Variants in FER observed in about 807,000 individuals in gnomAD.
FER encodes the protein tyrosine-protein kinase Fer.
FER carries 63 observed loss-of-function variants against 111.0 expected under a neutral mutation model. The ratio of observed to expected loss-of-function variants is 0.57; its 90% CI spans 0.46 to 0.70. FER has a LOEUF of 0.70. Among genes scored for constraint, FER ranks in the 30% least tolerant of loss-of-function variants. The pLI, the probability that FER is intolerant of heterozygous loss-of-function variation, is 0.00. For synonymous variants in FER, 327 were observed against 313.9 expected (o/e 1.04, Z -0.44); for missense variants, 914 against 954.0 (o/e 0.96, Z 0.55).
At chr5:108,778,854 T>C (rs983319265) in intron 2 of FER, among the ~76,000 whole-genome samples, 1 of 152,184 alleles carries the variant, frequency 6.6e-6, no homozygotes, top group African/African-American at 2.4e-5. Context: ...GGATTGTGCC[T>C]TTGGTGTTAA....
intron 5 of FER, among the ~76,000 whole-genome samples, chr5:108,850,036 CA>C (rs1029249324): frequency 6.7e-6 from 1 of 149,904 alleles, no homozygotes; most frequent in Non-Finnish European, 1.5e-5. Flanking sequence ...CTAAAAAATG[CA>C]AAAAAAAATT....
At chr5:109,085,190 AT>A (rs936231454) in intron 16 of FER, among the ~76,000 whole-genome samples, 26 of 151,874 alleles carry the variant, frequency 1.7e-4, no homozygotes, top group African/African-American at 5.8e-4. Flanking sequence ...AAGCCTTCCA[AT>A]TTATGGACTT....
chr5:109,083,197 A>T (rs1003157678), intron 16 of FER, among the ~76,000 whole-genome samples: 18 of 152,084 alleles, frequency 1.2e-4, no homozygotes, highest in African/African-American at 3.9e-4. Flanking sequence ...CTCTTCATTT[A>T]TTGAAAGCGG....
intron 1 of FER, among the ~76,000 whole-genome samples, chr5:108,757,131 A>G (rs1488569491): frequency 6.6e-6 from 1 of 152,206 alleles, no homozygotes; most frequent in Non-Finnish European, 1.5e-5. Flanking sequence ...GTAAATGGTA[A>G]AAGTCTGTAG....
At chr5:108,780,325 T>C (rs955951603) in intron 2 of FER, among the ~76,000 whole-genome samples, 29 of 152,220 alleles carry the variant, frequency 1.9e-4, no homozygotes, top group Middle Eastern at 3.4e-3. Flanking sequence ...TGAGAAACTA[T>C]TTCTCTTTCA....
At chr5:108,890,420 G>T (rs1747847651) in intron 9 of FER, among the ~76,000 whole-genome samples, 1 of 151,988 alleles carries the variant, frequency 6.6e-6, no homozygotes, top group South Asian at 2.1e-4. Flanking sequence ...GGCAGTGTTG[G>T]TTCCTTCTGA....
intron 3 of FER, among the ~76,000 whole-genome samples, chr5:108,825,769 G>C (rs1759398854): frequency 6.6e-6 from 1 of 152,108 alleles, no homozygotes; most frequent in Non-Finnish European, 1.5e-5. Flanking sequence ...ATTAATTTGG[G>C]GGAACCAATA....
At chr5:109,150,219 A>G (rs1754673707) in intron 17 of FER, among the ~76,000 whole-genome samples, 1 of 152,108 alleles carries the variant, frequency 6.6e-6, no homozygotes, top group African/African-American at 2.4e-5. Flanking sequence ...CCTTTGCCTT[A>G]AACTGAGCAT....
intron 13 of FER, among the ~76,000 whole-genome samples, chr5:109,036,185 TAGTG>T (rs1040144152): frequency 6.6e-6 from 1 of 152,184 alleles, no homozygotes; most frequent in African/African-American, 2.4e-5. Flanking sequence ...TTTTTATAGT[TAGTG>T]TTTTTTTGTG....
chr5:108,993,086 C>G, intron 13 of FER, among the ~76,000 whole-genome samples: 1 of 151,748 alleles, frequency 6.6e-6, no homozygotes, highest in Non-Finnish European at 1.5e-5. Context: ...CTCCTCACCT[C>G]CCAGACGATG....
intron 5 of FER, among the ~76,000 whole-genome samples, chr5:108,859,920 CTATTATTATTATTAT>C (rs202162884): frequency 4.2e-5 from 6 of 141,598 alleles, no homozygotes; most frequent in Admixed American, 2.8e-4. Context: ...ATGTATATAC[CTATTATTATTATTAT>C]TATTATTATT....
At chr5:109,034,393 G>T (rs1242489908) in intron 13 of FER, among the ~76,000 whole-genome samples, 1 of 151,922 alleles carries the variant, frequency 6.6e-6, no homozygotes, top group Non-Finnish European at 1.5e-5. Context: ...TTCATTTCGA[G>T]GTTACTTTTT....
At chr5:109,035,292 GCAGT>G (rs1770221265) in intron 13 of FER, among the ~76,000 whole-genome samples, 1 of 151,950 alleles carries the variant, frequency 6.6e-6, no homozygotes, top group Non-Finnish European at 1.5e-5. Context: ...TTTCCCTTTT[GCAGT>G]CAGTCTTTCT....
chr5:109,136,387 A>C (rs1752896847), intron 17 of FER, among the ~76,000 whole-genome samples: 1 of 152,218 alleles, frequency 6.6e-6, no homozygotes, highest in Admixed American at 6.5e-5. Flanking sequence ...GTTAGAATAC[A>C]TATATAAAAA....
chr5:108,884,508 C>G (rs1032700164), intron 9 of FER, among the ~76,000 whole-genome samples: 2 of 137,456 alleles, frequency 1.5e-5, no homozygotes, highest in Non-Finnish European at 3.1e-5. Context: ...ATTTCTTATG[C>G]CTGGTTTTTT....
At chr5:109,138,807 C>T (rs1231543491) in intron 17 of FER, among the ~76,000 whole-genome samples, 1 of 152,086 alleles carries the variant, frequency 6.6e-6, no homozygotes, top group Non-Finnish European at 1.5e-5. Flanking sequence ...AACTATGTCA[C>T]GTGCAGTATG....
intron 16 of FER, among the ~76,000 whole-genome samples, chr5:109,079,185 G>GA (rs1192369620): frequency 6.6e-6 from 1 of 152,084 alleles, no homozygotes; most frequent in Non-Finnish European, 1.5e-5. Context: ...CTTATTAGTT[G>GA]AAAAGAAAAA....
At chr5:108,938,777 T>G (rs915205599) in intron 10 of FER, among the ~76,000 whole-genome samples, 3 of 151,944 alleles carry the variant, frequency 2.0e-5, no homozygotes, top group African/African-American at 7.2e-5. Context: ...TAGGAGACTG[T>G]GGCCAGAAAG....
intron 10 of FER, among the ~76,000 whole-genome samples, chr5:108,916,530 G>A (rs11955321): frequency 0.45 from 67,720 of 151,960 alleles, 18,642 homozygotes; most frequent in African/African-American, 0.78. Context: ...ATAGACTTGC[G>A]TTATATATAT....
Sources: gnomAD v4.1 joint callset for allele counts (sites outside exome capture counted in the v4.1 genomes callset) on GRCh38, gnomAD v4.1.1 for gene constraint, MANE v1.5 for transcripts, NCBI Gene and HGNC (gene_info 2026-07-23, HGNC 2026-07-21) for gene names.